MPP7: variants seen among roughly 807,000 people sequenced by gnomAD.
MPP7 encodes the protein MAGUK p55 scaffold protein 7, also known as MAGUK p55 subfamily member 7.
Under a neutral mutation model 76.5 loss-of-function variants are expected in MPP7, and 60 were observed. That is an observed-to-expected ratio of 0.78 (90% CI 0.64 to 0.97). The LOEUF (loss-of-function observed/expected upper bound fraction) is 0.97, where lower values mean the gene tolerates loss of function less well. Among genes scored for constraint, MPP7 ranks in the 50% least tolerant of loss-of-function variants. The pLI, the probability that MPP7 is intolerant of heterozygous loss-of-function variation, is 0.00. For synonymous variants in MPP7, 237 were observed against 244.5 expected, an observed-to-expected ratio of 0.97 and a Z score of 0.29; for missense variants, 641 against 694.0, an observed-to-expected ratio of 0.92 and a Z score of 0.86.
chr10:28,250,052 C>T (rs1169440140), intron 1 of MPP7, among the ~76,000 whole-genome samples: 1 of 151,544 alleles, frequency 6.6e-6, no homozygotes, highest in Non-Finnish European at 1.5e-5. Context: ...TATTATATAA[C>T]CACAAATTAC....
At chr10:28,071,522 T>G (rs2133371184) in intron 12 of MPP7, among the ~76,000 whole-genome samples, 1 of 152,306 alleles carries the variant, frequency 6.6e-6, no homozygotes, top group South Asian at 2.1e-4. Context: ...ATTCTCCCTC[T>G]TATAATAAAT....
At chr10:28,147,841 G>A (rs991120179) in intron 4 of MPP7, among the ~76,000 whole-genome samples, 1 of 152,132 alleles carries the variant, frequency 6.6e-6, no homozygotes, top group Non-Finnish European at 1.5e-5. Flanking sequence ...CCAGCACTTC[G>A]TCCATGTGAA....
chr10:28,212,219 T>A (rs1278084880), intron 2 of MPP7, among the ~76,000 whole-genome samples: 3 of 152,070 alleles, frequency 2.0e-5, no homozygotes, highest in African/African-American at 7.2e-5. Context: ...TATGGGAAGA[T>A]CAAACACAGC....
chr10:28,244,483 C>A (rs1839368541), intron 1 of MPP7, among the ~76,000 whole-genome samples: 1 of 151,762 alleles, frequency 6.6e-6, no homozygotes, highest in African/African-American at 2.4e-5. Context: ...TTTATACAAC[C>A]AAAAACAAAA....
chr10:28,058,689 T>A lies in MPP7; in HGVS notation c.1299-86A>T, dbSNP rs1851658995. 4 of 602,600 alleles carry A rather than the reference T, an allele frequency of 6.6e-6. No individual in the cohort carries two copies. In the Admixed American group the frequency reaches 1.2e-4, roughly 18 times the overall value. 37.3% of individuals were successfully genotyped at this position (602,600 alleles called of 1,614,324 possible). A position where few individuals can be genotyped will look rare whatever the true frequency, so the allele number is the denominator to read the frequency against. ...ATAAAATTCATAGGTAAAAGACGTT[T>A]CTGCTGAACACGTAATTTTTTTAAA... is the stretch of plus-strand genomic sequence containing the variant. On this transcript the variant is annotated intron_variant, in intron 14 of 16. Transcript: ENST00000683449.
chr10:28,239,125 C>T (rs556462648), intron 1 of MPP7, among the ~76,000 whole-genome samples: 144 of 150,796 alleles, frequency 9.5e-4, no homozygotes, highest in Non-Finnish European at 1.8e-3. Flanking sequence ...TTGTCAGCAA[C>T]TTATAATTTT....
At chr10:28,276,976 T>G (rs1269432381) in intron 1 of MPP7, among the ~76,000 whole-genome samples, 1 of 151,906 alleles carries the variant, frequency 6.6e-6, no homozygotes, top group African/African-American at 2.4e-5. Flanking sequence ...GAAGATCACT[T>G]GAGCCCAGGA....
At chr10:28,215,915 G>T (rs963760790) in intron 2 of MPP7, among the ~76,000 whole-genome samples, 1 of 152,074 alleles carries the variant, frequency 6.6e-6, no homozygotes, top group Admixed American at 6.6e-5. Context: ...GCATTAAGGA[G>T]GCAGATGACA....
intron 1 of MPP7, among the ~76,000 whole-genome samples, chr10:28,275,410 C>CTCTT (rs571343537): frequency 7.1e-6 from 1 of 141,648 alleles, no homozygotes; most frequent in East Asian, 2.1e-4. Context: ...CCTAATATTT[C>CTCTT]TTTTTTTTTT....
chr10:28,277,740 T>A (rs1840547396), intron 1 of MPP7, among the ~76,000 whole-genome samples: 2 of 152,036 alleles, frequency 1.3e-5, no homozygotes, highest in African/African-American at 4.8e-5. Flanking sequence ...TGAGCATAAT[T>A]AGACTAGAAT....
chr10:28,069,617 AAC>A lies in MPP7; in HGVS notation c.1204+153_1204+154del, dbSNP rs755845968. On this transcript the variant is annotated intron_variant, in intron 13 of 16. Transcript: ENST00000683449. ...GACTCCATCTCAAAAAAACAAAACA[AAC>A]AAAAAAAAAACTCACATGCCCCATA... 4.9e-3 allele frequency among the ~76,000 whole-genome samples: 638 copies of A among 130,932 alleles called. 9 individuals carry two copies. The highest frequency in any genetic ancestry group is 0.017 in the African/African-American group (578 of 33,468). The allele number at this position is 130,932 out of a possible 152,430, so 85.9% of individuals were successfully genotyped here.
intron 1 of MPP7, among the ~76,000 whole-genome samples, chr10:28,331,513 T>C (rs1834469664): frequency 6.6e-6 from 1 of 152,200 alleles, no homozygotes; most frequent in South Asian, 2.1e-4. Flanking sequence ...AGAGTTATAA[T>C]ACAAGCTAAA....
chr10:28,269,766 G>A (rs376933538), intron 1 of MPP7, among the ~76,000 whole-genome samples: 30 of 152,034 alleles, frequency 2.0e-4, no homozygotes, highest in African/African-American at 6.3e-4. Context: ...GGCCTCAAGC[G>A]ATCCTCTTGC....
At position 28,143,584 on chromosome 10, in the gene MPP7, T is replaced by TCACTCTTTCACCCAGGCTAGAGTGAAGC. The variant is rs1835599557; in HGVS notation, c.315+3898_315+3899insGCTTCACTCTAGCCTGGGTGAAAGAGTG. ...GTCTGTATGTGTGTATTCCTATCTT[T>TCACTCTTTCACCCAGGCTAGAGTGAAGC]GTGGATCAAATGCTTTTCTATTCCA... On this transcript the variant is annotated intron_variant, in intron 5 of 16. Coordinates refer to ENST00000683449, the MANE Select transcript of MPP7 (RefSeq NM_001318170.2). 7.6e-4 allele frequency among the ~76,000 whole-genome samples: 115 copies of TCACTCTTTCACCCAGGCTAGAGTGAAGC among 151,730 alleles called. 2 individuals carry two copies. The highest frequency in any genetic ancestry group is 1.2e-3 in the Non-Finnish European group (81 of 67,666).
intron 1 of MPP7, among the ~76,000 whole-genome samples, chr10:28,266,612 C>G (rs1361815748): frequency 6.6e-6 from 1 of 152,150 alleles, no homozygotes; most frequent in Non-Finnish European, 1.5e-5. Flanking sequence ...ATGGATAACA[C>G]AACAGAGAGA....
intron 2 of MPP7, among the ~76,000 whole-genome samples, chr10:28,213,668 T>C (rs1235852347): frequency 6.6e-6 from 1 of 151,708 alleles, no homozygotes; most frequent in Non-Finnish European, 1.5e-5. Context: ...GGCACATGCC[T>C]GTAACCCCAG....
chr10:28,186,202 T>C (rs1028881865), intron 3 of MPP7, among the ~76,000 whole-genome samples: 35 of 151,954 alleles, frequency 2.3e-4, no homozygotes, highest in Non-Finnish European at 2.6e-4. Context: ...AAAAATTAGC[T>C]GGCCATGGTG....
chr10:28,251,866 G>A (rs994961865), intron 1 of MPP7, among the ~76,000 whole-genome samples: 1 of 152,128 alleles, frequency 6.6e-6, no homozygotes, highest in Admixed American at 6.6e-5. Context: ...AGACCAGCCT[G>A]AGCAACACAG....
intron 12 of MPP7, among the ~76,000 whole-genome samples, chr10:28,074,024 C>T (rs970390045): frequency 5.3e-5 from 8 of 152,056 alleles, no homozygotes; most frequent in Non-Finnish European, 1.0e-4. Flanking sequence ...AGACAACTAG[C>T]CAAAACACTG....
Sources: allele counts gnomAD v4.1 joint callset (sites outside exome capture counted in the v4.1 genomes callset), GRCh38; gene constraint gnomAD v4.1.1; transcripts MANE v1.5; gene names NCBI Gene and HGNC (gene_info 2026-07-23, HGNC 2026-07-21).